The following ASB18 variants were observed in gnomAD, a reference collection of about 807,000 sequenced individuals.
ASB18 encodes the protein ankyrin repeat and SOCS box containing 18, also known as ankyrin repeat and SOCS box protein 18.
ASB18 carries 33 observed loss-of-function variants against 33.4 expected under a neutral mutation model. The ratio of observed to expected loss-of-function variants is 0.99; its 90% CI spans 0.75 to 1.32. The LOEUF (loss-of-function observed/expected upper bound fraction) is 1.32, where lower values mean the gene tolerates loss of function less well. Ranked by LOEUF, ASB18 falls within the 40% of genes most tolerant of loss-of-function variation. The pLI, the probability that ASB18 is intolerant of heterozygous loss-of-function variation, is 0.00. For synonymous variants in ASB18, 295 were observed against 307.6 expected (o/e 0.96, Z 0.43); for missense variants, 694 against 655.5 (o/e 1.06, Z -0.64).
rs1389442447 is a variant in ASB18, at chr2:236,211,951, G to A, written c.1101+2411C>T. The stretch of plus-strand genomic sequence containing the variant: ...TCCAAAGATTTAATGCAGGCCATGA[G>A]CCTGCAGTGGCTGGAATCCCTTTCA... On this transcript the variant is annotated intron_variant, in intron 4 of 5. Transcript: ENST00000409749. This position sits in a 1 kb window ranked among gnomAD's most constrained non-coding sequence, Gnocchi z 5.0. Among the ~76,000 whole-genome samples the A allele has an allele frequency of 6.6e-6, 1 of 152,180 alleles. No individual in the cohort carries two copies. Among genetic ancestry groups the A allele is most frequent in the African/African-American group, 2.4e-5 (1 of 41,428 alleles).
rs1013576206 is a variant in ASB18, at chr2:236,205,793, T to A, written c.1101+8569A>T. On this transcript the variant is annotated intron_variant, in intron 4 of 5. Transcript: ENST00000409749. The surrounding 1 kb of genome is among the most constrained non-coding windows in gnomAD (Gnocchi z 5.4). ...GAAAGTATCTTCACTGAGTCTAAAA[T>A]TCTAGTGTCCAAATTTTCCTTTCAA... Among the ~76,000 whole-genome samples, 5 of 152,226 alleles carry A rather than the reference T, an allele frequency of 3.3e-5. No individual in the cohort carries two copies. Among genetic ancestry groups the A allele is most frequent in the Non-Finnish European group, 7.3e-5 (5 of 68,040 alleles).
chr2:236,245,673 C>G lies in ASB18; in HGVS notation c.206-4271G>C, dbSNP rs573668168. On this transcript the variant is annotated intron_variant, in intron 1 of 5. Transcript: ENST00000409749. The surrounding 1 kb of genome is among the most constrained non-coding windows in gnomAD (Gnocchi z 4.7). ...CTTGCACTCTGACTGTGGCACTGGGCGCTCTACTATTACTGCTGGTTCCTT... is the reference window on the plus strand; with the variant it reads ...CTTGCACTCTGACTGTGGCACTGGGGGCTCTACTATTACTGCTGGTTCCTT... Among the ~76,000 whole-genome samples the G allele has an allele frequency of 1.3e-5, 2 of 152,174 alleles. No homozygotes were observed. The highest frequency in any genetic ancestry group is 4.8e-5 in the African/African-American group (2 of 41,438).
intron 4 of ASB18, among the ~76,000 whole-genome samples, chr2:236,207,815 CTGACT>C (rs60123932): frequency 0.041 from 5,629 of 138,766 alleles, 184 homozygotes; most frequent in African/African-American, 0.11. Context: ...CACTGCCTGG[CTGACT>C]TTTTTTTTTT....
Position 236,215,432 on chromosome 2 carries a change from G to T in ASB18, c.597-566C>A, listed in dbSNP as rs1268160794. On this transcript the variant is annotated intron_variant, in intron 3 of 5. Transcript: ENST00000409749. This position sits in a 1 kb window ranked among gnomAD's most constrained non-coding sequence, Gnocchi z 7.2. ...TCTGACAGTCCGGGGAGCATTAGGT[G>T]GGAAGCACAACCAGGCCCTGTTGTG... Among the ~76,000 whole-genome samples the T allele has an allele frequency of 6.6e-6, 1 of 152,142 alleles. No homozygotes were observed. Among genetic ancestry groups the T allele is most frequent in the East Asian group, 1.9e-4 (1 of 5,188 alleles).
intron 4 of ASB18, among the ~76,000 whole-genome samples, chr2:236,202,618 A>G (rs2060409445): frequency 6.6e-6 from 1 of 151,506 alleles, no homozygotes. Context: ...CAAGAGATGG[A>G]GACCATCCTG....
rs959822720 is a variant in ASB18 at position 236,235,559 on chromosome 2, C to T, written c.596+2130G>A. 3.3e-5 allele frequency among the ~76,000 whole-genome samples: 5 copies of T among 152,248 alleles called. No individual in the cohort carries two copies. The highest frequency in any genetic ancestry group is 1.2e-4 in the African/African-American group (5 of 41,466). ...AATGAAAATCAAAACTATAACAAGACATGTGTACACACCTATTAGAATGTA... is the reference window on the plus strand; with the variant it reads ...AATGAAAATCAAAACTATAACAAGATATGTGTACACACCTATTAGAATGTA... On this transcript the variant is annotated intron_variant, in intron 3 of 5. Coordinates refer to ENST00000409749, the MANE Select transcript of ASB18 (RefSeq NM_212556.4). The surrounding 1 kb of genome is among the most constrained non-coding windows in gnomAD (Gnocchi z 6.2).
Position 236,194,796 on chromosome 2 carries a change from A to T in ASB18, c.*76T>A. On this transcript the variant is annotated 3_prime_UTR_variant, in exon 6 of 6. Transcript: ENST00000409749. This position sits in a 1 kb window ranked among gnomAD's most constrained non-coding sequence, Gnocchi z 4.5. ...AACTCCCATCACCTCCATCTGCATC[A>T]GGGCACTCTCCAACACACGGCCTCC... The T allele has an allele frequency of 7.6e-7, 1 of 1,319,838 alleles. No individual in the cohort carries two copies. Among genetic ancestry groups the T allele is most frequent in the Non-Finnish European group, 1.0e-6 (1 of 955,062 alleles). 81.8% of individuals were successfully genotyped at this position (1,319,838 alleles called of 1,614,324 possible). A position where few individuals can be genotyped will look rare whatever the true frequency, so the allele number is the denominator to read the frequency against.
rs2060538590 is a variant in ASB18 at position 236,226,448 on chromosome 2, A to T, written c.596+11241T>A. On this transcript the variant is annotated intron_variant, in intron 3 of 5. Coordinates refer to ENST00000409749, the MANE Select transcript of ASB18 (RefSeq NM_212556.4). This position sits in a 1 kb window ranked among gnomAD's most constrained non-coding sequence, Gnocchi z 4.8. Reference sequence around the variant, plus strand: ...AAACAAGAAAGAAGAAAGAGGAGGAAGAAGAGGAAGACAGAAGAAGAGAGA... The same window carrying T: ...AAACAAGAAAGAAGAAAGAGGAGGATGAAGAGGAAGACAGAAGAAGAGAGA... Among the ~76,000 whole-genome samples, 1 of 113,634 alleles carries T rather than the reference A, an allele frequency of 8.8e-6. No individual in the cohort carries two copies. The highest frequency in any genetic ancestry group is 7.9e-5 in the Admixed American group (1 of 12,716). The allele number at this position is 113,634 out of a possible 152,430, so 74.5% of individuals were successfully genotyped here.
chr2:236,242,019 A>G (rs2060623648), intron 1 of ASB18, among the ~76,000 whole-genome samples: 1 of 152,240 alleles, frequency 6.6e-6, no homozygotes, highest in Non-Finnish European at 1.5e-5. Context: ...ATCTGGAAAT[A>G]AAAGTCTTAT....
Position 236,202,528 on chromosome 2 carries a change from AT to A in ASB18, c.1102-6144del, listed in dbSNP as rs531068921. 1.8e-4 allele frequency among the ~76,000 whole-genome samples: 27 copies of A among 152,102 alleles called. No homozygotes were observed. The South Asian group carries it at 5.4e-3, about 30-fold the overall frequency. ...TTAGTTACCTTCAAAATAAAAAAAA[AT>A]ATCAACCTAGGCCTCATGCAGTGGC... is the stretch of plus-strand genomic sequence containing the variant. On this transcript the variant is annotated intron_variant, in intron 4 of 5. Coordinates refer to ENST00000409749, the MANE Select transcript of ASB18 (RefSeq NM_212556.4).
At position 236,204,907 on chromosome 2, in the gene ASB18, G is replaced by C. The variant is rs571872240; in HGVS notation, c.1102-8522C>G. The stretch of plus-strand genomic sequence containing the variant: ...TGCAGTCTCTTGGGCTAGAATCAGA[G>C]TCGTCCATTGCTCCTGTTTCTCCTA... On this transcript the variant is annotated intron_variant, in intron 4 of 5. Transcript: ENST00000409749. This position sits in a 1 kb window ranked among gnomAD's most constrained non-coding sequence, Gnocchi z 5.1. 3.7e-4 allele frequency among the ~76,000 whole-genome samples: 56 copies of C among 152,304 alleles called. 1 individual carries two copies. In the South Asian group the frequency reaches 0.011, roughly 30 times the overall value.
In ASB18 at chr2:236,195,416, G is replaced by C. The variant is rs2106260818; in HGVS notation, c.1216-359C>G. 6.6e-6 allele frequency among the ~76,000 whole-genome samples: 1 copy of C among 152,252 alleles called. No individual in the cohort carries two copies. Among genetic ancestry groups the C allele is most frequent in the South Asian group, 2.1e-4 (1 of 4,812 alleles). ...ATGACCAGCTCTTCCCTTCTGCCAG[G>C]GAGGGGCTCAGGAGCGAGTGCATGG... On this transcript the variant is annotated intron_variant, in intron 5 of 5. Coordinates refer to ENST00000409749, the MANE Select transcript of ASB18 (RefSeq NM_212556.4). The surrounding 1 kb of genome is among the most constrained non-coding windows in gnomAD (Gnocchi z 5.5).
At position 236,214,568 on chromosome 2, in the gene ASB18, T is replaced by A; in HGVS notation, c.895A>T (p.Lys299Ter). ...CTGTGGCTCGCGTGGCCGCAGGCTTTGTGCAGCGGGCTGCGCTCGTCCTCG... is the reference window on the plus strand; with the variant it reads ...CTGTGGCTCGCGTGGCCGCAGGCTTAGTGCAGCGGGCTGCGCTCGTCCTCG... ...RDEDERSPLHKACGHASHSLA... is the reference protein window; with the variant it reads ...RDEDERSPLH Residue 299 changes from lysine (K) to a stop codon, truncating the protein, a stop_gained, in exon 4 of 6, where the codon AAA (lysine) becomes TAA (stop). Transcript: ENST00000409749. LOFTEE classifies it high-confidence loss of function. The surrounding 1 kb of genome is among the most constrained non-coding windows in gnomAD (Gnocchi z 6.5). The A allele has an allele frequency of 1.5e-6, 2 of 1,359,746 alleles. No individual in the cohort carries two copies. The highest frequency in any genetic ancestry group is 3.5e-5 in the South Asian group (2 of 56,688). The allele number at this position is 1,359,746 out of a possible 1,614,324, so 84.2% of individuals were successfully genotyped here. A position where few individuals can be genotyped will look rare whatever the true frequency, so the allele number is the denominator to read the frequency against.
rs2060449028 is a variant in ASB18 at position 236,209,446 on chromosome 2, T to G, written c.1101+4916A>C. 6.6e-6 allele frequency among the ~76,000 whole-genome samples: 1 copy of G among 152,032 alleles called. No individual in the cohort carries two copies. Among genetic ancestry groups the G allele is most frequent in the Non-Finnish European group, 1.5e-5 (1 of 68,000 alleles). On this transcript the variant is annotated intron_variant, in intron 4 of 5. Coordinates refer to ENST00000409749, the MANE Select transcript of ASB18 (RefSeq NM_212556.4). The surrounding 1 kb of genome is among the most constrained non-coding windows in gnomAD (Gnocchi z 4.4). ...TGCCACCATGCCCAGGTAATTTAAT[T>G]TTTTGTGGAGATGGTGTCTCACTAT...
chr2:236,227,921 G>A (rs2060548188), intron 3 of ASB18, among the ~76,000 whole-genome samples: 1 of 152,196 alleles, frequency 6.6e-6, no homozygotes, highest in Admixed American at 6.5e-5. Context: ...TTTGAGGGCA[G>A]GGACTATGTC....
At position 236,194,925 on chromosome 2, in the gene ASB18, G is replaced by T. The variant is rs1187596348; in HGVS notation, c.1348C>A (p.Pro450Thr). ...AGTAGGTAATTCTGCAGGGGCTTTG[G>T]CAAGGGTAACAGGGGGATGAGGTCA... Reference protein sequence around the residue: ...CFDLIPLLPLPKPLQNYLLLE... With the variant: ...CFDLIPLLPLTKPLQNYLLLE... The change falls in exon 6 of 6, where the codon CCA becomes ACA. Residue 450 changes from proline to threonine, a missense_variant. Physicochemically the swap from Pro to Thr is conservative, Grantham distance 38. Coordinates refer to ENST00000409749, the MANE Select transcript of ASB18 (RefSeq NM_212556.4). The surrounding 1 kb of genome is among the most constrained non-coding windows in gnomAD (Gnocchi z 4.5). 1 of 1,613,836 alleles carries T rather than the reference G, an allele frequency of 6.2e-7. No individual in the cohort carries two copies. Among genetic ancestry groups the T allele is most frequent in the East Asian group, 2.2e-5 (1 of 44,878 alleles).
rs758389832 is a variant in ASB18, at chr2:236,196,226, G to A, written c.1215+46C>T. ...CTCCCCATGCAAAGAAGCAAAAACA[G>A]ACAAAAGTTTTGTACTAAAGATGGG... On this transcript the variant is annotated intron_variant, in intron 5 of 5. Coordinates refer to ENST00000409749, the MANE Select transcript of ASB18 (RefSeq NM_212556.4). The surrounding 1 kb of genome is among the most constrained non-coding windows in gnomAD (Gnocchi z 5.6). 7 of 1,103,018 alleles carry A rather than the reference G, an allele frequency of 6.3e-6. No homozygotes were observed. Among genetic ancestry groups the A allele is most frequent in the Non-Finnish European group, 9.5e-6 (7 of 737,346 alleles). The allele number at this position is 1,103,018 out of a possible 1,614,324, so 68.3% of individuals were successfully genotyped here. A position where few individuals can be genotyped will look rare whatever the true frequency, so the allele number is the denominator to read the frequency against.
chr2:236,238,016 G>A lies in ASB18; in HGVS notation c.329-60C>T. On this transcript the variant is annotated intron_variant, in intron 2 of 5. Transcript: ENST00000409749. The surrounding 1 kb of genome is among the most constrained non-coding windows in gnomAD (Gnocchi z 5.2). ...GAGGTTAGTTGTGGTGGTGGTGGGC[G>A]GTGTTCCTTAAGGCGGAAAGAAAGT... 2 of 1,392,394 alleles carry A rather than the reference G, an allele frequency of 1.4e-6. No homozygotes were observed. Among genetic ancestry groups the A allele is most frequent in the South Asian group, 1.5e-5 (1 of 66,614 alleles). 86.3% of individuals were successfully genotyped at this position (1,392,394 alleles called of 1,614,324 possible).
rs769557775 is a variant in ASB18 at position 236,264,244 on chromosome 2, A to T, written c.102T>A (p.Asp34Glu). 1 of 1,613,938 alleles carries T rather than the reference A, an allele frequency of 6.2e-7. No individual in the cohort carries two copies. Among genetic ancestry groups the T allele is most frequent in the Admixed American group, 1.7e-5 (1 of 60,014 alleles). The change falls in exon 1 of 6, where the codon GAT (aspartate) becomes GAA (glutamate). Residue 34 changes from aspartate to glutamate, a missense_variant. Coordinates refer to ENST00000409749, the MANE Select transcript of ASB18 (RefSeq NM_212556.4). This position sits in a 1 kb window ranked among gnomAD's most constrained non-coding sequence, Gnocchi z 5.1. ...CAGGCGTGATTTCAGTGCAGATTAAATCCCTCACTCTCTCCTCATCTTTGG... is the reference window on the plus strand; with the variant it reads ...CAGGCGTGATTTCAGTGCAGATTAATTCCCTCACTCTCTCCTCATCTTTGG... ...LDAKDEERVRDLICTEITPVD... is the reference protein window; with the variant it reads ...LDAKDEERVRELICTEITPVD...
Sources: gnomAD v4.1 joint callset for allele counts (sites outside exome capture counted in the v4.1 genomes callset) on GRCh38, gnomAD v4.1.1 for gene constraint, Gnocchi (gnomAD v3.1) non-coding constraint, MANE v1.5 for transcripts, NCBI Gene and HGNC (gene_info 2026-07-23, HGNC 2026-07-21) for gene names.